The following CSNK1D variants were observed in gnomAD, a reference collection of about 807,000 sequenced individuals.
The protein encoded by CSNK1D is casein kinase I isoform delta.
CSNK1D carries 16 observed loss-of-function variants against 46.6 expected under a neutral mutation model. The ratio of observed to expected loss-of-function variants is 0.34; its 90% confidence interval spans 0.23 to 0.52. CSNK1D has a LOEUF of 0.52. Ranked by LOEUF, CSNK1D falls within the 20% of genes least tolerant of loss-of-function variation. CSNK1D has a pLI of 0.95. For missense variants in CSNK1D, 398 were observed against 578.4 expected (o/e 0.69, Z 3.20); for synonymous variants, 276 against 228.2 (o/e 1.21, Z -1.89).
In CSNK1D at chr17:82,249,249, C is replaced by T; in HGVS notation, c.1057+182G>A. On this transcript the variant is annotated intron_variant, in intron 7 of 8. Transcript: ENST00000314028. The surrounding 1 kb of genome is among the most constrained non-coding windows in gnomAD (Gnocchi z 6.7). The stretch of plus-strand genomic sequence containing the variant: ...GAGATGCGGGAGGAATCACGCACAC[C>T]AGCAGGTGCCGGCATTTCTAAAGGC... 1 of 775,418 alleles carries T rather than the reference C, an allele frequency of 1.3e-6. No individual in the cohort carries two copies. Among genetic ancestry groups the T allele is most frequent in the Non-Finnish European group, 2.0e-6 (1 of 493,146 alleles). 48.0% of individuals were successfully genotyped at this position (775,418 alleles called of 1,614,324 possible). A position where few individuals can be genotyped will look rare whatever the true frequency, so the allele number is the denominator to read the frequency against.
In CSNK1D at chr17:82,248,340, C is replaced by T. The variant is rs1324116241; in HGVS notation, c.1197+535G>A. On this transcript the variant is annotated intron_variant, in intron 8 of 8. Coordinates refer to ENST00000314028, the MANE Select transcript of CSNK1D (RefSeq NM_001893.6). The surrounding 1 kb of genome is among the most constrained non-coding windows in gnomAD (Gnocchi z 4.1). ...GGTGGCCGTGGCTAGGCCTGGGCTG[C>T]GCAACAGGGTACTTCTCGTCCAAGG... 9.0e-6 allele frequency: 9 copies of T among 996,036 alleles called. No individual in the cohort carries two copies. The highest frequency in any genetic ancestry group is 2.2e-4 in the East Asian group (2 of 9,172). 61.7% of individuals were successfully genotyped at this position (996,036 alleles called of 1,614,324 possible). A position where few individuals can be genotyped will look rare whatever the true frequency, so the allele number is the denominator to read the frequency against.
intron 1 of CSNK1D, among the ~76,000 whole-genome samples, chr17:82,270,533 G>A (rs1415944160): frequency 6.6e-6 from 1 of 152,160 alleles, no homozygotes; most frequent in Non-Finnish European, 1.5e-5. Flanking sequence ...CTAGTTCCTC[G>A]ATTTATGTGT....
chr17:82,253,289 C>T, intron 3 of CSNK1D, 45 bp from the exon 4 acceptor site: 1 of 1,456,512 alleles, frequency 6.9e-7, no homozygotes, highest in Non-Finnish European at 9.6e-7. Context: ...AGGGCAGTCT[C>T]AGGGAGGGAC....
chr17:82,260,404 C>A (rs1019763418), intron 2 of CSNK1D, among the ~76,000 whole-genome samples: 2 of 138,520 alleles, frequency 1.4e-5, no homozygotes, highest in African/African-American at 5.6e-5. Flanking sequence ...TGATGGTGTA[C>A]TGAGTGATGT....
At position 82,242,781 on chromosome 17, in the gene CSNK1D, G is replaced by A. The variant is rs575607798; in HGVS notation, c.*2000C>T. On this transcript the variant is annotated 3_prime_UTR_variant, in exon 9 of 9. Transcript: ENST00000314028. ...GCCGTCAGTGCACAGCTGACACGAC[G>A]TCCTACCTACGTCTCCTGCACGGGG... 5.3e-5 allele frequency: 52 copies of A among 985,240 alleles called. No homozygotes were observed. The highest frequency in any genetic ancestry group is 2.3e-4 in the South Asian group (5 of 21,294). The allele number at this position is 985,240 out of a possible 1,614,324, so 61.0% of individuals were successfully genotyped here.
chr17:82,263,307 C>T (rs543978647), intron 2 of CSNK1D, among the ~76,000 whole-genome samples: 31 of 152,360 alleles, frequency 2.0e-4, no homozygotes, highest in African/African-American at 7.2e-4. Context: ...TGGCAATGCG[C>T]TCGAAGCCCA....
intron 1 of CSNK1D, among the ~76,000 whole-genome samples, chr17:82,271,162 G>A (rs1340664981): frequency 2.0e-5 from 3 of 152,106 alleles, no homozygotes; most frequent in African/African-American, 4.8e-5. Context: ...TGCAACCTCC[G>A]CCTCCCAGGT....
chr17:82,272,339 CG>C (rs762135941), intron 1 of CSNK1D: 2 of 151,854 alleles, frequency 1.3e-5, no homozygotes, highest in Non-Finnish European at 2.9e-5. Flanking sequence ...AGCGAAACTC[CG>C]TCTCAGGAAA....
rs766145837 is a variant in CSNK1D at position 82,255,602 on chromosome 17, GTT to G, written c.188-27_188-26del. The G allele has an allele frequency of 6.2e-6, 10 of 1,614,066 alleles. No individual in the cohort carries two copies. Among genetic ancestry groups the G allele is most frequent in the Non-Finnish European group, 8.5e-6 (10 of 1,179,970 alleles). On this transcript the variant is annotated intron_variant, in intron 2 of 8. Transcript: ENST00000314028. The surrounding 1 kb of genome is among the most constrained non-coding windows in gnomAD (Gnocchi z 5.9). ...ACTAGGCAAGGAAATCAGACACAGT[GTT>G]TCAGTCCAGGCCCTGCCTCAGCTCC...
In CSNK1D at chr17:82,251,611, G is replaced by C; in HGVS notation, c.737-84C>G. 7.4e-7 allele frequency: 1 copy of C among 1,357,682 alleles called. No individual in the cohort carries two copies. The highest frequency in any genetic ancestry group is 1.2e-5 in the South Asian group (1 of 83,158). 84.1% of individuals were successfully genotyped at this position (1,357,682 alleles called of 1,614,324 possible). On this transcript the variant is annotated intron_variant, in intron 5 of 8. Transcript: ENST00000314028. The surrounding 1 kb of genome is among the most constrained non-coding windows in gnomAD (Gnocchi z 4.5). Reference sequence around the variant, plus strand: ...CTGCCAACGTCGCTGTCTACCTCCTGCTGCTGCACACTCAAGGGGAGAAGG... The same window carrying C: ...CTGCCAACGTCGCTGTCTACCTCCTCCTGCTGCACACTCAAGGGGAGAAGG...
chr17:82,269,947 A>G (rs1028001751), intron 1 of CSNK1D, among the ~76,000 whole-genome samples: 3 of 152,260 alleles, frequency 2.0e-5, no homozygotes, highest in African/African-American at 7.2e-5. Flanking sequence ...CATAAGTGAA[A>G]GAACTTCTGG....
At chr17:82,271,504 G>A (rs2051623028) in intron 1 of CSNK1D, among the ~76,000 whole-genome samples, 1 of 152,202 alleles carries the variant, frequency 6.6e-6, no homozygotes, top group African/African-American at 2.4e-5. Flanking sequence ...CATTGACCAA[G>A]CACTCTGACT....
At position 82,250,888 on chromosome 17, in the gene CSNK1D, C is replaced by T. The variant is rs1338430136; in HGVS notation, c.885+491G>A. 4.9e-6 allele frequency: 1 copy of T among 202,932 alleles called. No individual in the cohort carries two copies. The highest frequency in any genetic ancestry group is 5.3e-5 in the Admixed American group (1 of 18,946). The allele number at this position is 202,932 out of a possible 1,614,324, so 12.6% of individuals were successfully genotyped here. A position where few individuals can be genotyped will look rare whatever the true frequency, so the allele number is the denominator to read the frequency against. On this transcript the variant is annotated intron_variant, in intron 6 of 8. Transcript: ENST00000314028. This position sits in a 1 kb window ranked among gnomAD's most constrained non-coding sequence, Gnocchi z 4.6. Reference sequence around the variant, plus strand: ...CAGACATGGACCCAGGGCTGGGCTGCCTGTTTTAGAGGCTCCACTGCATAC... The same window carrying T: ...CAGACATGGACCCAGGGCTGGGCTGTCTGTTTTAGAGGCTCCACTGCATAC...
At position 82,243,941 on chromosome 17, in the gene CSNK1D, G is replaced by A. The variant is rs2050786786; in HGVS notation, c.*840C>T. On this transcript the variant is annotated 3_prime_UTR_variant, in exon 9 of 9. Transcript: ENST00000314028. The stretch of plus-strand genomic sequence containing the variant: ...CAAAGCCTCTGCTTCCAAGCTCTCA[G>A]CTGCCTGCCCACCTCCTGGGGAAGA... 2 of 985,718 alleles carry A rather than the reference G, an allele frequency of 2.0e-6. No individual in the cohort carries two copies. The highest frequency in any genetic ancestry group is 1.2e-6 in the Non-Finnish European group (1 of 830,222). 61.1% of individuals were successfully genotyped at this position (985,718 alleles called of 1,614,324 possible). A position where few individuals can be genotyped will look rare whatever the true frequency, so the allele number is the denominator to read the frequency against.
In CSNK1D at chr17:82,273,626, G is replaced by C; in HGVS notation, c.-245C>G. On this transcript the variant is annotated 5_prime_UTR_variant, in exon 1 of 9. Transcript: ENST00000314028. The surrounding 1 kb of genome is among the most constrained non-coding windows in gnomAD (Gnocchi z 5.1). ...TACCGGTCCCGCTTGCCCTCTCCCC[G>C]CCGCGGATGGACTCGGATCTTCCGG... The C allele has an allele frequency of 1.8e-6, 1 of 549,534 alleles. No homozygotes were observed. Among genetic ancestry groups the C allele is most frequent in the Non-Finnish European group, 3.2e-6 (1 of 313,944 alleles). The allele number at this position is 549,534 out of a possible 1,614,324, so 34.0% of individuals were successfully genotyped here.
chr17:82,255,129 C>T lies in CSNK1D; in HGVS notation c.336+300G>A, dbSNP rs1454352424. The stretch of plus-strand genomic sequence containing the variant: ...TCGAGAAGCCAGTGAGCTGAGCCGT[C>T]GGAGCCTCCAGAAGCCAGTGAGCTG... On this transcript the variant is annotated intron_variant, in intron 3 of 8. Coordinates refer to ENST00000314028, the MANE Select transcript of CSNK1D (RefSeq NM_001893.6). The surrounding 1 kb of genome is among the most constrained non-coding windows in gnomAD (Gnocchi z 5.9). The T allele has an allele frequency of 1.2e-5, 5 of 424,210 alleles. No individual in the cohort carries two copies. Among genetic ancestry groups the T allele is most frequent in the East Asian group, 5.4e-5 (1 of 18,358 alleles). 26.3% of individuals were successfully genotyped at this position (424,210 alleles called of 1,614,324 possible).
intron 2 of CSNK1D, among the ~76,000 whole-genome samples, chr17:82,260,311 G>GC: frequency 7.1e-6 from 1 of 140,472 alleles, no homozygotes; most frequent in African/African-American, 2.5e-5. Flanking sequence ...ATTGACTGAT[G>GC]GTGTACTGAG....
Position 82,251,295 on chromosome 17 carries a change from CT to C in CSNK1D, c.885+83del, listed in dbSNP as rs2051001326. 1.3e-6 allele frequency: 2 copies of C among 1,537,996 alleles called. No individual in the cohort carries two copies. Among genetic ancestry groups the C allele is most frequent in the African/African-American group, 1.4e-5 (1 of 73,294 alleles). On this transcript the variant is annotated intron_variant, in intron 6 of 8. Coordinates refer to ENST00000314028, the MANE Select transcript of CSNK1D (RefSeq NM_001893.6). This position sits in a 1 kb window ranked among gnomAD's most constrained non-coding sequence, Gnocchi z 4.5. ...AGACACTCCCTATATGGTACAGCCC[CT>C]CAACAAGACGGCCGCCGGCCTCTCA... is the stretch of plus-strand genomic sequence containing the variant.
chr17:82,242,990 G>T lies in CSNK1D; in HGVS notation c.*1791C>A, dbSNP rs2050766030. The T allele has an allele frequency of 2.0e-6, 2 of 985,352 alleles. No individual in the cohort carries two copies. Among genetic ancestry groups the T allele is most frequent in the African/African-American group, 3.5e-5 (2 of 57,234 alleles). The allele number at this position is 985,352 out of a possible 1,614,324, so 61.0% of individuals were successfully genotyped here. A position where few individuals can be genotyped will look rare whatever the true frequency, so the allele number is the denominator to read the frequency against. On this transcript the variant is annotated 3_prime_UTR_variant, in exon 9 of 9. Coordinates refer to ENST00000314028, the MANE Select transcript of CSNK1D (RefSeq NM_001893.6). Reference sequence around the variant, plus strand: ...CAGGCCACAGCGCGACGTCTCTCCGGGTGGGGGACGTCTACCTTCAAGAAG... The same window carrying T: ...CAGGCCACAGCGCGACGTCTCTCCGTGTGGGGGACGTCTACCTTCAAGAAG...
Sources: allele counts gnomAD v4.1 joint callset (sites outside exome capture counted in the v4.1 genomes callset), GRCh38; gene constraint gnomAD v4.1.1; non-coding constraint Gnocchi (gnomAD v3.1); transcripts MANE v1.5; gene names NCBI Gene and HGNC (gene_info 2026-07-23, HGNC 2026-07-21).